Variants in UGGT1 observed in about 807,000 individuals in gnomAD.
UGGT1 encodes the protein UDP-glucose glycoprotein glucosyltransferase 1.
UGGT1 carries 107 observed loss-of-function variants against 203.9 expected under a neutral mutation model. The ratio of observed to expected loss-of-function variants is 0.52; its 90% CI spans 0.45 to 0.62. The LOEUF is 0.62. Among genes scored for constraint, UGGT1 ranks in the 20% least tolerant of loss-of-function variants. The pLI is 0.00. For synonymous variants in UGGT1, 628 were observed against 653.5 expected (o/e 0.96, Z 0.59); for missense variants, 1,673 against 1,867.2 (o/e 0.90, Z 1.92).
chr2:128,144,886 A>G (rs570135023), intron 17 of UGGT1, among the ~76,000 whole-genome samples: 1 of 152,338 alleles, frequency 6.6e-6, no homozygotes, highest in East Asian at 1.9e-4. Context: ...AAGGTGTGCG[A>G]TAGACATTTG....
chr2:128,133,884 A>G (rs1342942991), intron 14 of UGGT1, among the ~76,000 whole-genome samples: 2 of 152,086 alleles, frequency 1.3e-5, no homozygotes, highest in African/African-American at 4.8e-5. Context: ...AGAGAGAGAG[A>G]GGGTTCTTCA....
chr2:128,174,985 A>G (rs1344092564), intron 31 of UGGT1, 127 bp downstream of exon 31: 13 of 735,164 alleles, frequency 1.8e-5, no homozygotes, highest in Non-Finnish European at 2.8e-5. Flanking sequence ...GTGATGAAAC[A>G]GTGGTTTTTC....
chr2:128,099,197 G>T (rs1249980734), intron 2 of UGGT1, among the ~76,000 whole-genome samples: 1 of 152,150 alleles, frequency 6.6e-6, no homozygotes, highest in Non-Finnish European at 1.5e-5. Flanking sequence ...AGGCTAGAGT[G>T]TAGTGGTGTG....
Position 128,155,569 on chromosome 2 carries a change from A to ACAAGACTGCTGCTGTC in UGGT1, c.2218_2219insCAAGACTGCTGCTGTC (p.Asn740ThrfsTer20). On this transcript the variant is annotated frameshift_variant, in exon 20 of 41. Transcript: ENST00000259253. LOFTEE classifies it high-confidence loss of function. Reference sequence around the variant, plus strand: ...GACTGCTGCTGTAGCCAATAGTATGAACTATCTGACAAAGAAAGGTAATCC... The same window carrying ACAAGACTGCTGCTGTC: ...GACTGCTGCTGTAGCCAATAGTATGACAAGACTGCTGCTGTCACTATCTGACAAAGAAAGGTAATCC... 6.2e-7 allele frequency: 1 copy of ACAAGACTGCTGCTGTC among 1,612,340 alleles called. No homozygotes were observed. Among genetic ancestry groups the ACAAGACTGCTGCTGTC allele is most frequent in the Non-Finnish European group, 8.5e-7 (1 of 1,179,380 alleles).
Position 128,159,717 on chromosome 2 carries a change from T to G in UGGT1, c.2559T>G (p.Val853=), listed in dbSNP as rs1690434460. 6.2e-7 allele frequency: 1 copy of G among 1,614,040 alleles called. No homozygotes were observed. The highest frequency in any genetic ancestry group is 2.2e-5 in the East Asian group (1 of 44,886). ...AAGADIAEFS[V]GGMDFSLFKE... ...GAGCTGACATTGCGGAGTTCTCTGT[T>G]GGGGTAAGGCTCTGAGCCTCTCATG... The change falls in exon 23 of 41, where the codon GTT becomes GTG. Residue 853 remains valine, a synonymous_variant. Coordinates refer to ENST00000259253, the MANE Select transcript of UGGT1 (RefSeq NM_020120.4).
At position 128,186,767 on chromosome 2, in the gene UGGT1, G is replaced by A. The variant is rs767121760; in HGVS notation, c.4444G>A (p.Ala1482Thr). 1.4e-5 allele frequency: 22 copies of A among 1,613,010 alleles called. No homozygotes were observed. Among genetic ancestry groups the A allele is most frequent in the African/African-American group, 2.7e-5 (2 of 74,904 alleles). ...TTGGTGTGAAACGTGGTGTGATGAC[G>A]CCTCTAAGAAAAGGGCAAAAACCAT... ...WLWCETWCDD[A>T]SKKRAKTIDL... Residue 1482 changes from alanine (A) to threonine (T), a missense_variant, in exon 39 of 41, where the codon GCC becomes ACC. Coordinates refer to ENST00000259253, the MANE Select transcript of UGGT1 (RefSeq NM_020120.4).
intron 1 of UGGT1, among the ~76,000 whole-genome samples, chr2:128,097,114 T>C (rs1181881967): frequency 6.6e-6 from 1 of 152,218 alleles, no homozygotes; most frequent in Non-Finnish European, 1.5e-5. Flanking sequence ...TGGTGGCTCA[T>C]GCCTGTAATC....
chr2:128,130,085 A>G (rs1688800474), intron 13 of UGGT1, among the ~76,000 whole-genome samples: 1 of 151,912 alleles, frequency 6.6e-6, no homozygotes, highest in African/African-American at 2.4e-5. Context: ...ACATGGTGAA[A>G]CCCCGTCTGT....
chr2:128,124,232 C>T (rs1047641238), intron 11 of UGGT1, among the ~76,000 whole-genome samples: 2 of 152,198 alleles, frequency 1.3e-5, no homozygotes, highest in Non-Finnish European at 2.9e-5. Context: ...AGGCATGAGC[C>T]ACCGCGCCCA....
chr2:128,183,325 C>T (rs895889443), intron 37 of UGGT1, among the ~76,000 whole-genome samples: 8 of 151,318 alleles, frequency 5.3e-5, no homozygotes, highest in African/African-American at 1.5e-4. Flanking sequence ...CTGGGGTTTT[C>T]CCCCCCCTGT....
At chr2:128,103,835 A>C in intron 2 of UGGT1, 97 bp from the exon 3 acceptor site, 1 of 765,502 alleles carries the variant, frequency 1.3e-6, no homozygotes, top group Non-Finnish European at 2.0e-6. Context: ...AACTATGGAC[A>C]TTTGGAAACT....
chr2:128,110,574 C>T lies in UGGT1; in HGVS notation c.521+828C>T, dbSNP rs373830880. 2.2e-3 allele frequency among the ~76,000 whole-genome samples: 332 copies of T among 152,268 alleles called. 3 individuals are homozygous for T. Among genetic ancestry groups the T allele is most frequent in the African/African-American group, 7.4e-3 (308 of 41,562 alleles). ...CTCTTGGGGGAAACAAAATTGATGG[C>T]TTTGTAATTCTTTTAAAAAACTTTA... On this transcript the variant is annotated intron_variant, in intron 5 of 40. Transcript: ENST00000259253.
chr2:128,178,325 G>A (rs776327575), intron 33 of UGGT1, 143 bp from the exon 34 acceptor site: 67 of 697,112 alleles, frequency 9.6e-5, no homozygotes, highest in Non-Finnish European at 1.5e-4. Flanking sequence ...TCTCCAGGGT[G>A]TGAGGGAAGC....
At chr2:128,189,062 T>C (rs1361953148) in intron 40 of UGGT1, among the ~76,000 whole-genome samples, 1 of 152,204 alleles carries the variant, frequency 6.6e-6, no homozygotes, top group Admixed American at 6.5e-5. Context: ...ATTAAAGCAG[T>C]CTATCACTAG....
chr2:128,106,673 T>C (rs1323859133), intron 3 of UGGT1, among the ~76,000 whole-genome samples: 2 of 152,202 alleles, frequency 1.3e-5, no homozygotes, highest in Non-Finnish European at 2.9e-5. Flanking sequence ...GTGATTTTCC[T>C]GCCTCAGCTG....
intron 18 of UGGT1, among the ~76,000 whole-genome samples, chr2:128,152,006 C>T (rs1402665409): frequency 6.6e-6 from 1 of 152,190 alleles, no homozygotes; most frequent in African/African-American, 2.4e-5. Context: ...ATAACTATTT[C>T]TGTAATATTA....
intron 4 of UGGT1, 104 bp from the exon 5 acceptor site, chr2:128,109,530 C>A: frequency 1.0e-6 from 1 of 956,892 alleles, no homozygotes; most frequent in Non-Finnish European, 1.6e-6. Flanking sequence ...CCAGTTTCAA[C>A]AATGTTGTTT....
intron 36 of UGGT1, 70 bp from the exon 37 acceptor site, chr2:128,182,060 T>C (rs924529184): frequency 2.2e-5 from 34 of 1,514,092 alleles, no homozygotes; most frequent in Non-Finnish European, 3.0e-5. Context: ...CGAGCCACTC[T>C]GTATCTGAAG....
intron 14 of UGGT1, 31 bp downstream of exon 14, chr2:128,133,291 T>G: frequency 6.4e-7 from 1 of 1,564,628 alleles, no homozygotes; most frequent in Non-Finnish European, 8.6e-7. Flanking sequence ...GGCTGTGAAC[T>G]CTGTTTCTCC....
Sources: allele counts gnomAD v4.1 joint callset (sites outside exome capture counted in the v4.1 genomes callset), GRCh38; gene constraint gnomAD v4.1.1; transcripts MANE v1.5; gene names NCBI Gene and HGNC (gene_info 2026-07-23, HGNC 2026-07-21).